The following RELL1 variants were observed in gnomAD, a reference collection of about 807,000 sequenced individuals.
RELL1 encodes the protein RELT-like protein 1.
In RELL1, 10 loss-of-function variants were observed where a neutral mutation model predicts 23.0. That is an observed-to-expected ratio of 0.43 (90% confidence interval 0.27 to 0.74). RELL1 has a LOEUF of 0.74. Among genes scored for constraint, RELL1 ranks in the 30% least tolerant of loss-of-function variants. RELL1 has a pLI of 0.19. For synonymous variants in RELL1, 146 were observed against 146.8 expected, an observed-to-expected ratio of 0.99 and a Z score of 0.04; for missense variants, 315 against 364.4, an observed-to-expected ratio of 0.86 and a Z score of 1.10.
intron 6 of RELL1, chr4:37,623,244 G>A (rs1277383136): frequency 1.2e-5 from 2 of 173,160 alleles, no homozygotes; most frequent in Non-Finnish European, 2.5e-5. Flanking sequence ...GATCCAGACA[G>A]AGCCTTAAAA....
intron 6 of RELL1, among the ~76,000 whole-genome samples, chr4:37,625,369 T>C (rs1183899879): frequency 6.6e-6 from 1 of 152,170 alleles, no homozygotes; most frequent in African/African-American, 2.4e-5. Flanking sequence ...AAATGGGATT[T>C]CATCAAACTA....
chr4:37,601,971 T>A (rs1719027571), intron 6 of RELL1, among the ~76,000 whole-genome samples: 1 of 152,102 alleles, frequency 6.6e-6, no homozygotes, highest in Non-Finnish European at 1.5e-5. Flanking sequence ...TCCAGCACTT[T>A]GGGAGGCTGA....
chr4:37,618,966 G>A (rs539656537), intron 6 of RELL1, among the ~76,000 whole-genome samples: 153 of 151,960 alleles, frequency 1.0e-3, no homozygotes, highest in African/African-American at 3.4e-3. Context: ...TGCAACCTCC[G>A]CCTCCCGGGT....
Position 37,604,902 on chromosome 4 carries a change from C to CACACACAG in RELL1, c.*4-13686_*4-13685insCTGTGTGT, listed in dbSNP as rs1560323974. 2.6e-3 allele frequency among the ~76,000 whole-genome samples: 117 copies of CACACACAG among 45,876 alleles called. 8 individuals are homozygous for CACACACAG. The highest frequency in any genetic ancestry group is 0.013 in the Middle Eastern group (1 of 78). The allele number at this position is 45,876 out of a possible 152,430, so 30.1% of individuals were successfully genotyped here. On this transcript the variant is annotated intron_variant, in intron 6 of 6. Transcript: ENST00000314117. ...ACATACACACAGACACACACACAGA[C>CACACACAG]ACACACACACACACACAGACACACA... is the stretch of plus-strand genomic sequence containing the variant.
downstream of RELL1, among the ~76,000 whole-genome samples, chr4:37,587,524 T>TC (rs1426996692): frequency 6.6e-6 from 1 of 152,182 alleles, no homozygotes; most frequent in Non-Finnish European, 1.5e-5. Flanking sequence ...TGAAGCAGCA[T>TC]CCCTGGAAAT....
At chr4:37,685,611 G>A (rs10008352) in intron 1 of RELL1, among the ~76,000 whole-genome samples, 9,563 of 152,240 alleles carry the variant, frequency 0.063, 617 homozygotes, top group African/African-American at 0.17. Flanking sequence ...TTACCAACGC[G>A]CCTTCCCTTT....
At chr4:37,650,630 G>C (rs558121535) in intron 1 of RELL1, among the ~76,000 whole-genome samples, 1 of 152,094 alleles carries the variant, frequency 6.6e-6, no homozygotes, top group African/African-American at 2.4e-5. Flanking sequence ...GCATCTTTTG[G>C]AGAAAAGGGA....
intron 6 of RELL1, among the ~76,000 whole-genome samples, chr4:37,624,917 A>T (rs1374446256): frequency 6.6e-6 from 1 of 152,188 alleles, no homozygotes; most frequent in Non-Finnish European, 1.5e-5. Context: ...AATAATTAAG[A>T]CCACCAGCCA....
At chr4:37,619,488 C>T (rs958122670) in intron 6 of RELL1, among the ~76,000 whole-genome samples, 16 of 152,112 alleles carry the variant, frequency 1.1e-4, no homozygotes, top group Non-Finnish European at 2.1e-4. Flanking sequence ...GCCCCTGCAC[C>T]CTTTTAACCA....
chr4:37,639,321 T>C (rs969721160), intron 3 of RELL1, among the ~76,000 whole-genome samples: 2 of 142,284 alleles, frequency 1.4e-5, no homozygotes, highest in African/African-American at 5.3e-5. Flanking sequence ...GAGGCGAAGC[T>C]TACAGTGAGC....
chr4:37,590,384 C>G (rs1309358498), downstream of RELL1: 1 of 1,613,900 alleles, frequency 6.2e-7, no homozygotes, highest in South Asian at 1.1e-5. Context: ...CCACAGCCCA[C>G]TGGGAATTCC....
At chr4:37,621,645 T>C (rs1254976678) in intron 6 of RELL1, among the ~76,000 whole-genome samples, 2 of 152,218 alleles carry the variant, frequency 1.3e-5, no homozygotes, top group East Asian at 3.9e-4. Flanking sequence ...CCAACACTGC[T>C]CAATTTCTGC....
downstream of RELL1, chr4:37,588,714 G>T (rs1035922667): frequency 1.4e-5 from 9 of 640,660 alleles, no homozygotes; most frequent in Non-Finnish European, 2.2e-5. Flanking sequence ...GACCCACGTG[G>T]TAGTTATCCT....
intron 3 of RELL1, among the ~76,000 whole-genome samples, chr4:37,644,141 C>A (rs1037102668): frequency 3.3e-5 from 5 of 151,942 alleles, no homozygotes; most frequent in African/African-American, 1.2e-4. Flanking sequence ...ACAGTAAAAA[C>A]ACAAAGGCTA....
intron 1 of RELL1, among the ~76,000 whole-genome samples, chr4:37,652,002 C>T (rs929800594): frequency 2.0e-5 from 3 of 152,206 alleles, no homozygotes; most frequent in South Asian, 2.1e-4. Context: ...AGCAGGGCGT[C>T]GAGGCTGGGG....
chr4:37,653,119 A>C (rs1721006871), intron 1 of RELL1, among the ~76,000 whole-genome samples: 2 of 152,210 alleles, frequency 1.3e-5, no homozygotes, highest in African/African-American at 4.8e-5. Context: ...CATTCAAGAA[A>C]TTGCGTTTCC....
Position 37,631,411 on chromosome 4 carries a change from T to C in RELL1, c.793A>G (p.Arg265Gly). 1.9e-6 allele frequency: 3 copies of C among 1,613,990 alleles called. No homozygotes were observed. Residue 265 changes from arginine to glycine, a missense_variant, in exon 6 of 7, where the codon AGA (arginine) becomes GGA (glycine). Physicochemically the swap from Arg to Gly is moderately radical, Grantham distance 125 (BLOSUM62 -2). Transcript: ENST00000454158. ...NGEVPATPVK[R>G]ERSGTE ...TGCTACTCTGTGCCACTGCGTTCTC[T>C]CTTCACAGGTGTTGCCGGCACCTCC...
In RELL1 at chr4:37,596,336, C is replaced by T. The variant is rs1281936052; in HGVS notation, c.*4-5119G>A. Reference sequence around the variant, plus strand: ...AAAAGGCAGATTTCTGGACCTACCTCTAGGAATTCAGACTTAGGAGGTCTT... The same window carrying T: ...AAAAGGCAGATTTCTGGACCTACCTTTAGGAATTCAGACTTAGGAGGTCTT... On this transcript the variant is annotated intron_variant, in intron 6 of 6. Transcript: ENST00000314117. Among the ~76,000 whole-genome samples, 3 of 152,240 alleles carry T rather than the reference C, an allele frequency of 2.0e-5. No individual in the cohort carries two copies. The East Asian group carries it at 5.8e-4, about 29-fold the overall frequency.
At chr4:37,644,876 CAG>C (rs1720656934) in intron 3 of RELL1, among the ~76,000 whole-genome samples, 1 of 152,136 alleles carries the variant, frequency 6.6e-6, no homozygotes, top group African/African-American at 2.4e-5. Context: ...GCCACCTGGA[CAG>C]AGGTACTACA....
Sources: allele counts gnomAD v4.1 joint callset (sites outside exome capture counted in the v4.1 genomes callset), GRCh38; gene constraint gnomAD v4.1.1; transcripts MANE v1.5; gene names NCBI Gene and HGNC (gene_info 2026-07-23, HGNC 2026-07-21).